The following MEF2A variants were observed in gnomAD, a reference collection of about 807,000 sequenced individuals.
MEF2A encodes myocyte-specific enhancer factor 2A.
In MEF2A, 28 loss-of-function variants were observed where a neutral mutation model predicts 55.8. The observed-to-expected ratio is 0.50, with a 90% CI of 0.37 to 0.69. The LOEUF (loss-of-function observed/expected upper bound fraction) is 0.69. Ranked by LOEUF, MEF2A falls within the 30% of genes least tolerant of loss-of-function variation. MEF2A has a pLI of 0.00. For synonymous variants in MEF2A, 239 were observed against 227.1 expected, an observed-to-expected ratio of 1.05 and a Z score of -0.47; for missense variants, 528 against 626.2, an observed-to-expected ratio of 0.84 and a Z score of 1.67.
chr15:99,694,851 C>T (rs1442238611), intron 8 of MEF2A, among the ~76,000 whole-genome samples: 2 of 152,110 alleles, frequency 1.3e-5, no homozygotes, highest in African/African-American at 4.8e-5. Flanking sequence ...AATATGGACT[C>T]GTGGGCATTT....
At chr15:99,642,065 T>G (rs146215976) in intron 3 of MEF2A, among the ~76,000 whole-genome samples, 2 of 152,296 alleles carry the variant, frequency 1.3e-5, no homozygotes, top group Non-Finnish European at 2.9e-5. Flanking sequence ...CTTCCTGAGT[T>G]TTTTTATGTT....
At chr15:99,572,629 C>G (rs1223918622) in intron 1 of MEF2A, among the ~76,000 whole-genome samples, 1 of 152,148 alleles carries the variant, frequency 6.6e-6, no homozygotes, top group Non-Finnish European at 1.5e-5. Context: ...TATCTTTGTT[C>G]CTGTTTTTTG....
At chr15:99,589,877 A>G (rs1342232200) in intron 1 of MEF2A, among the ~76,000 whole-genome samples, 2 of 152,076 alleles carry the variant, frequency 1.3e-5, no homozygotes, top group African/African-American at 4.8e-5. Context: ...ATGTCATTTC[A>G]GTTCTTATAA....
chr15:99,663,678 C>T (rs1445417707), intron 4 of MEF2A, among the ~76,000 whole-genome samples: 4 of 151,828 alleles, frequency 2.6e-5, no homozygotes, highest in East Asian at 3.9e-4. Flanking sequence ...CTAAAAGAAA[C>T]GCATTTTAAA....
chr15:99,671,512 T>TC, intron 5 of MEF2A, 58 bp downstream of exon 5: 1 of 1,613,920 alleles, frequency 6.2e-7, no homozygotes, highest in South Asian at 1.1e-5. Context: ...GTTAACTTCA[T>TC]TATTTAGGCT....
In MEF2A at chr15:99,706,450, G is replaced by A. The variant is rs1330973796; in HGVS notation, c.883-279G>A. 4 of 387,028 alleles carry A rather than the reference G, an allele frequency of 1.0e-5. No individual in the cohort carries two copies. In the East Asian group the frequency reaches 2.4e-4, roughly 23 times the overall value. The allele number at this position is 387,028 out of a possible 1,614,324, so 24.0% of individuals were successfully genotyped here. A position where few individuals can be genotyped will look rare whatever the true frequency, so the allele number is the denominator to read the frequency against. ...TAGTGGCATCAAGTCCTCATTTTGT[G>A]CAACAAATAGAAGTGCTAATGCCTG... On this transcript the variant is annotated intron_variant, in intron 9 of 11. Coordinates refer to ENST00000557942, the MANE Select transcript of MEF2A (RefSeq NM_001319206.4).
intron 2 of MEF2A, among the ~76,000 whole-genome samples, chr15:99,608,901 CA>C (rs35786772): frequency 0.012 from 1,633 of 138,144 alleles, 16 homozygotes; most frequent in Non-Finnish European, 0.017. Context: ...AACTCCGTCT[CA>C]AAAAAAAAAA....
chr15:99,703,939 G>A (rs1182311976), intron 9 of MEF2A, among the ~76,000 whole-genome samples: 1 of 152,142 alleles, frequency 6.6e-6, no homozygotes, highest in Non-Finnish European at 1.5e-5. Context: ...ATCAGAAGGC[G>A]CTCTTTTCTT....
chr15:99,703,367 G>T lies in MEF2A; in HGVS notation c.864G>T (p.Glu288Asp). ...CTCTTATGTGCTGAGTACAGTCGGA[G>T]GAAGAGGAATTGGAGTTGGTGAGTG... ...SSKGMMPPLS[E>D]EEELELNTQR... is the part of the protein sequence containing the mutation. The change falls in exon 9 of 12, where the codon GAG (glutamate) becomes GAT (aspartate). Residue 288 changes from glutamate (E) to aspartate (D), a missense_variant. By Grantham distance (45) the Glu-to-Asp change is conservative. Transcript: ENST00000557942. 1 of 1,611,968 alleles carries T rather than the reference G, an allele frequency of 6.2e-7. No homozygotes were observed. Among genetic ancestry groups the T allele is most frequent in the Non-Finnish European group, 8.5e-7 (1 of 1,178,864 alleles).
At chr15:99,600,673 G>A (rs1311496209) in intron 2 of MEF2A, among the ~76,000 whole-genome samples, 1 of 152,050 alleles carries the variant, frequency 6.6e-6, no homozygotes, top group African/African-American at 2.4e-5. Context: ...ATTTTCCCCT[G>A]TTGAATTATC....
chr15:99,657,943 G>C (rs921319222), intron 4 of MEF2A, among the ~76,000 whole-genome samples: 1 of 152,144 alleles, frequency 6.6e-6, no homozygotes, highest in Non-Finnish European at 1.5e-5. Flanking sequence ...CTAGTGCCCT[G>C]TTAACTGGGG....
intron 1 of MEF2A, among the ~76,000 whole-genome samples, chr15:99,567,141 C>G (rs754769551): frequency 1.3e-5 from 2 of 152,210 alleles, no homozygotes; most frequent in African/African-American, 2.4e-5. Flanking sequence ...CTGTTATGGT[C>G]CAGCAGGGAA....
chr15:99,584,751 A>G (rs968869115), intron 1 of MEF2A, among the ~76,000 whole-genome samples: 4 of 152,218 alleles, frequency 2.6e-5, no homozygotes, highest in Non-Finnish European at 5.9e-5. Flanking sequence ...AAGGGTGATG[A>G]AAATGTTATG....
At chr15:99,705,135 G>A (rs959998591) in intron 9 of MEF2A, among the ~76,000 whole-genome samples, 13 of 152,178 alleles carry the variant, frequency 8.5e-5, no homozygotes, top group Non-Finnish European at 1.9e-4. Context: ...ACTCTGATCC[G>A]AAGTGCAGAA....
intron 3 of MEF2A, among the ~76,000 whole-genome samples, chr15:99,642,800 A>G (rs2045269653): frequency 6.6e-6 from 1 of 152,236 alleles, no homozygotes; most frequent in Non-Finnish European, 1.5e-5. Flanking sequence ...ACTTTTGTGA[A>G]GAACTCAGTG....
intron 1 of MEF2A, among the ~76,000 whole-genome samples, chr15:99,596,564 G>C (rs149971713): frequency 3.9e-5 from 6 of 152,204 alleles, no homozygotes; most frequent in Middle Eastern, 3.4e-3. Flanking sequence ...AATTAATACT[G>C]CTGAATCAGA....
At chr15:99,637,496 A>T (rs1389382088) in intron 3 of MEF2A, among the ~76,000 whole-genome samples, 2 of 152,224 alleles carry the variant, frequency 1.3e-5, no homozygotes, top group Non-Finnish European at 2.9e-5. Context: ...TATACTTAAG[A>T]ATTGCTAGAT....
At position 99,712,477 on chromosome 15, in the gene MEF2A, T is replaced by C. The variant is rs1265415334; in HGVS notation, c.1224T>C (p.Pro408=). Residue 408 remains proline, a synonymous_variant, in exon 12 of 12, where the codon CCT becomes CCC. Transcript: ENST00000557942. The surrounding 1 kb of genome is among the most constrained non-coding windows in gnomAD (Gnocchi z 4.1). ...ISIKSEPISP[P]RDRMTPSGFQ... is the part of the protein sequence containing the mutation. ...TCAAGTCCGAACCGATTTCACCTCCTCGGGATCGTATGACCCCATCGGGCT... is the reference window on the plus strand; with the variant it reads ...TCAAGTCCGAACCGATTTCACCTCCCCGGGATCGTATGACCCCATCGGGCT... The C allele has an allele frequency of 6.4e-7, 1 of 1,551,500 alleles. No individual in the cohort carries two copies. Among genetic ancestry groups the C allele is most frequent in the Non-Finnish European group, 8.7e-7 (1 of 1,146,980 alleles).
At chr15:99,706,981 T>C in intron 10 of MEF2A, 126 bp downstream of exon 10, 1 of 1,208,104 alleles carries the variant, frequency 8.3e-7, no homozygotes, top group Non-Finnish European at 1.1e-6. Flanking sequence ...AGATTTAAAT[T>C]AGGATGTATT....
Sources: gnomAD v4.1 joint callset for allele counts (sites outside exome capture counted in the v4.1 genomes callset) on GRCh38, gnomAD v4.1.1 for gene constraint, Gnocchi (gnomAD v3.1) non-coding constraint, MANE v1.5 for transcripts, NCBI Gene and HGNC (gene_info 2026-07-23, HGNC 2026-07-21) for gene names.